Variants in CERKL observed in about 807,000 individuals in gnomAD.
CERKL encodes the protein CERK like autophagy regulator.
Under a neutral mutation model 63.4 loss-of-function variants are expected in CERKL, and 61 were observed. That is an observed-to-expected ratio of 0.96 (90% CI 0.78 to 1.19). The LOEUF (loss-of-function observed/expected upper bound fraction) is 1.19. Among genes scored for constraint, CERKL ranks in the 50% most tolerant of loss-of-function variants. CERKL has a pLI of 0.00. For missense variants in CERKL, 675 were observed against 655.5 expected (o/e 1.03, Z -0.33); for synonymous variants, 250 against 230.5 (o/e 1.08, Z -0.77).
At chr2:181,559,073 C>T (rs570942952) in intron 4 of CERKL, among the ~76,000 whole-genome samples, 42 of 152,284 alleles carry the variant, frequency 2.8e-4, no homozygotes, top group African/African-American at 1.0e-3. Context: ...ATTCATTTAA[C>T]TAACACCAAC....
At chr2:181,608,077 G>A (rs1164369341) in intron 1 of CERKL, among the ~76,000 whole-genome samples, 2 of 152,050 alleles carry the variant, frequency 1.3e-5, no homozygotes, top group Non-Finnish European at 2.9e-5. Context: ...TGACTGTGGT[G>A]CACTACAGCC....
In CERKL at chr2:181,657,104, C is replaced by G. The variant is rs1470550883; in HGVS notation, c.-98G>C. 1 of 1,167,058 alleles carries G rather than the reference C, an allele frequency of 8.6e-7. No homozygotes were observed. Among genetic ancestry groups the G allele is most frequent in the Non-Finnish European group, 1.2e-6 (1 of 802,396 alleles). The allele number at this position is 1,167,058 out of a possible 1,614,324, so 72.3% of individuals were successfully genotyped here. A position where few individuals can be genotyped will look rare whatever the true frequency, so the allele number is the denominator to read the frequency against. Reference sequence around the variant, plus strand: ...GCCCCAGCTCTAGCCGCGTCCAGCGCTGCCACAGCAACGGCGCGCAGGGCA... The same window carrying G: ...GCCCCAGCTCTAGCCGCGTCCAGCGGTGCCACAGCAACGGCGCGCAGGGCA... On this transcript the variant is annotated 5_prime_UTR_variant, in exon 1 of 13. Coordinates refer to ENST00000410087, the MANE Select transcript of CERKL (RefSeq NM_201548.5).
chr2:181,582,555 G>A (rs1168577594), intron 2 of CERKL, among the ~76,000 whole-genome samples: 5 of 141,546 alleles, frequency 3.5e-5, no homozygotes, highest in Non-Finnish European at 7.6e-5. Context: ...TTTTTGAGAT[G>A]GAGTCTCGCT....
At chr2:181,586,383 A>T (rs555612027) in intron 2 of CERKL, among the ~76,000 whole-genome samples, 1 of 152,238 alleles carries the variant, frequency 6.6e-6, no homozygotes, top group South Asian at 2.1e-4. Context: ...CTCTCATCCA[A>T]TTATGACAAA....
chr2:181,641,876 C>A (rs560040988), intron 1 of CERKL, among the ~76,000 whole-genome samples: 1 of 152,196 alleles, frequency 6.6e-6, no homozygotes, highest in Non-Finnish European at 1.5e-5. Flanking sequence ...GCACTCCCAT[C>A]ATTTCAGGAA....
intron 4 of CERKL, among the ~76,000 whole-genome samples, chr2:181,563,684 A>G (rs1290737925): frequency 6.6e-6 from 1 of 152,200 alleles, no homozygotes; most frequent in African/African-American, 2.4e-5. Flanking sequence ...GTTCAGGAAT[A>G]GAAAACTCAC....
intron 10 of CERKL, 66 bp downstream of exon 10, chr2:181,547,552 G>T: frequency 1.6e-6 from 2 of 1,264,326 alleles, no homozygotes; most frequent in Non-Finnish European, 2.3e-6. Flanking sequence ...ACAGTTAATT[G>T]GATACCCTGG....
rs1559065816 is a variant in CERKL at position 181,538,189 on chromosome 2, T to TTGGAATCATTTCTTCCA, written c.1577_1593dup (p.Lys532TrpfsTer4). 3 of 1,567,866 alleles carry TTGGAATCATTTCTTCCA rather than the reference T, an allele frequency of 1.9e-6. No individual in the cohort carries two copies. The highest frequency in any genetic ancestry group is 1.8e-6 in the Non-Finnish European group (2 of 1,139,542). On this transcript the variant is annotated stop_gained and frameshift_variant, in exon 13 of 13. Transcript: ENST00000410087. LOFTEE classifies it high-confidence loss of function. ...CTTTTAGAAACAATTACATGTTACT[T>TTGGAATCATTTCTTCCA]TGGAATCATTTCTTCCATGCTTCCT... is the stretch of plus-strand genomic sequence containing the variant.
chr2:181,537,821 TTGTTAGTAAC>T lies in CERKL; in HGVS notation c.*353_*362del, dbSNP rs1687242062. The T allele has an allele frequency of 2.1e-6, 1 of 477,618 alleles. No individual in the cohort carries two copies. The highest frequency in any genetic ancestry group is 4.1e-6 in the Non-Finnish European group (1 of 242,774). The allele number at this position is 477,618 out of a possible 1,614,324, so 29.6% of individuals were successfully genotyped here. ...TGACTTTTAAAGCCCTAGAGGCTAA[TTGTTAGTAAC>T]ATCAATTTCTATTAGGATATCCGTT... On this transcript the variant is annotated 3_prime_UTR_variant, in exon 13 of 13. Coordinates refer to ENST00000410087, the MANE Select transcript of CERKL (RefSeq NM_201548.5).
chr2:181,610,193 C>A (rs1452747258), intron 1 of CERKL, among the ~76,000 whole-genome samples: 1 of 152,022 alleles, frequency 6.6e-6, no homozygotes, highest in African/African-American at 2.4e-5. Flanking sequence ...ATAAAAGACC[C>A]AAGCAGGCAT....
chr2:181,585,701 G>T lies in CERKL; in HGVS notation c.482-11817C>A, dbSNP rs147103575. Among the ~76,000 whole-genome samples the T allele has an allele frequency of 2.4e-3, 359 of 151,890 alleles. 1 individual carries two copies. The highest frequency in any genetic ancestry group is 8.2e-3 in the African/African-American group (337 of 41,214). ...AAGTCAATAGAAAAATCATATTTGA[G>T]AACTGGTAAAAAATCTTTTCTAAAT... On this transcript the variant is annotated intron_variant, in intron 2 of 12. Transcript: ENST00000410087.
intron 1 of CERKL, among the ~76,000 whole-genome samples, chr2:181,632,262 T>C (rs559655437): frequency 6.6e-6 from 1 of 152,162 alleles, no homozygotes; most frequent in Non-Finnish European, 1.5e-5. Context: ...TTTTCTCATA[T>C]AGAGGGATTA....
intron 2 of CERKL, among the ~76,000 whole-genome samples, chr2:181,599,208 A>C (rs1360811402): frequency 6.6e-6 from 1 of 152,196 alleles, no homozygotes; most frequent in Non-Finnish European, 1.5e-5. Context: ...GAACTTTTGG[A>C]ATTGAAAAAT....
At chr2:181,565,922 G>C in intron 4 of CERKL, 136 bp downstream of exon 4, 1 of 642,974 alleles carries the variant, frequency 1.6e-6, no homozygotes, top group Non-Finnish European at 2.8e-6. Context: ...TTATTACATA[G>C]ATATGAACAA....
At chr2:181,598,339 A>G (rs945809696) in intron 2 of CERKL, among the ~76,000 whole-genome samples, 1 of 152,114 alleles carries the variant, frequency 6.6e-6, no homozygotes, top group Non-Finnish European at 1.5e-5. Flanking sequence ...CAGACAGACT[A>G]TGGCTGGGAA....
At position 181,537,374 on chromosome 2, in the gene CERKL, A is replaced by G. The variant is rs1687190161; in HGVS notation, c.*810T>C. 2.2e-6 allele frequency: 1 copy of G among 453,956 alleles called. No homozygotes were observed. Among genetic ancestry groups the G allele is most frequent in the Non-Finnish European group, 4.4e-6 (1 of 226,734 alleles). The allele number at this position is 453,956 out of a possible 1,614,324, so 28.1% of individuals were successfully genotyped here. A position where few individuals can be genotyped will look rare whatever the true frequency, so the allele number is the denominator to read the frequency against. ...TCTCAGATACAAGGGGAACACAATT[A>G]CATATTGGGCTAGATTTTGCCCAGT... is the stretch of plus-strand genomic sequence containing the variant. On this transcript the variant is annotated 3_prime_UTR_variant, in exon 13 of 13. Coordinates refer to ENST00000410087, the MANE Select transcript of CERKL (RefSeq NM_201548.5).
chr2:181,618,483 C>A (rs1242609233), intron 1 of CERKL, among the ~76,000 whole-genome samples: 1 of 151,926 alleles, frequency 6.6e-6, no homozygotes, highest in Non-Finnish European at 1.5e-5. Flanking sequence ...GTGGCGCAAT[C>A]TCGGCTCACG....
At chr2:181,549,496 GT>G in intron 6 of CERKL, 137 bp downstream of exon 6, 1 of 700,548 alleles carries the variant, frequency 1.4e-6, no homozygotes, top group South Asian at 1.7e-5. Flanking sequence ...TTGCCTTTTG[GT>G]TTTTTAGTCA....
chr2:181,640,021 T>C (rs902775549), intron 1 of CERKL, among the ~76,000 whole-genome samples: 1 of 152,148 alleles, frequency 6.6e-6, no homozygotes, highest in African/African-American at 2.4e-5. Flanking sequence ...ATTTTAGACT[T>C]ACCCTTAGGC....
Sources: allele counts gnomAD v4.1 joint callset (sites outside exome capture counted in the v4.1 genomes callset), GRCh38; gene constraint gnomAD v4.1.1; transcripts MANE v1.5; gene names NCBI Gene and HGNC (gene_info 2026-07-23, HGNC 2026-07-21).